Variants in SLCO6A1 observed in about 807,000 individuals in gnomAD.
SLCO6A1 encodes cancer/testis antigen 48.
SLCO6A1 carries 65 observed loss-of-function variants against 72.7 expected under a neutral mutation model. The observed-to-expected ratio is 0.89, with a 90% CI of 0.73 to 1.10. The LOEUF (loss-of-function observed/expected upper bound fraction) is 1.10. Ranked by LOEUF, SLCO6A1 falls within the 50% of genes least tolerant of loss-of-function variation. SLCO6A1 has a pLI of 0.00. For synonymous variants in SLCO6A1, 314 were observed against 298.2 expected (o/e 1.05, Z -0.55); for missense variants, 874 against 872.6 (o/e 1.00, Z -0.02).
At chr5:102,390,949 T>C in intron 11 of SLCO6A1, 32 bp downstream of exon 11, 1 of 1,594,666 alleles carries the variant, frequency 6.3e-7, no homozygotes, top group Non-Finnish European at 8.6e-7. Flanking sequence ...AAAAACATTT[T>C]GATGTAATAA....
chr5:102,421,350 C>T (rs888016142), intron 7 of SLCO6A1, among the ~76,000 whole-genome samples: 11 of 152,088 alleles, frequency 7.2e-5, no homozygotes, highest in African/African-American at 1.4e-4. Context: ...CCCATGGAGC[C>T]GAGAAAGCTA....
chr5:102,410,469 C>G (rs767396050), intron 9 of SLCO6A1, among the ~76,000 whole-genome samples: 3 of 152,164 alleles, frequency 2.0e-5, no homozygotes, highest in Non-Finnish European at 2.9e-5. Context: ...TTCACGAAGA[C>G]TAGCCAGAGC....
At chr5:102,450,343 A>G (rs1750347928) in intron 6 of SLCO6A1, among the ~76,000 whole-genome samples, 1 of 152,170 alleles carries the variant, frequency 6.6e-6, no homozygotes, top group Admixed American at 6.5e-5. Flanking sequence ...TTTGTGCAGC[A>G]TCTTTATTTG....
rs192023547 is a variant in SLCO6A1 at position 102,444,125 on chromosome 5, A to T, written c.1132-5364T>A. On this transcript the variant is annotated intron_variant, in intron 6 of 13. Coordinates refer to ENST00000506729, the MANE Select transcript of SLCO6A1 (RefSeq NM_173488.5). ...TAAGAGTAGGATCTGCAAATATATA[A>T]AGTATAAGGTATAAAGGCTGCAGAA... Among the ~76,000 whole-genome samples the T allele has an allele frequency of 2.0e-5, 3 of 152,276 alleles. No individual in the cohort carries two copies. The East Asian group carries it at 5.8e-4, about 29-fold the overall frequency.
At position 102,419,875 on chromosome 5, in the gene SLCO6A1, C is replaced by G; in HGVS notation, c.1423G>C (p.Val475Leu). Residue 475 changes from valine to leucine, a missense_variant, in exon 8 of 14, where the codon GTA becomes CTA. Physicochemically the swap from Val to Leu is conservative, Grantham distance 32. Transcript: ENST00000506729. ...GCAAATTGCACTGGATTACAGCGTA[C>G]AAAAATAATAAACACAAGCAGTATA... ...SLILLVFIIF[V>L]RCNPVQFAGI... The G allele has an allele frequency of 1.9e-6, 3 of 1,607,434 alleles. No individual in the cohort carries two copies. The highest frequency in any genetic ancestry group is 2.5e-6 in the Non-Finnish European group (3 of 1,178,046).
chr5:102,437,639 T>C (rs1369811272), intron 7 of SLCO6A1, among the ~76,000 whole-genome samples: 2 of 152,160 alleles, frequency 1.3e-5, no homozygotes, highest in Admixed American at 1.3e-4. Context: ...TTTTGGATAA[T>C]TTGCAGTCAG....
At chr5:102,465,568 A>G (rs1188586035) in intron 4 of SLCO6A1, among the ~76,000 whole-genome samples, 1 of 152,140 alleles carries the variant, frequency 6.6e-6, no homozygotes, top group Non-Finnish European at 1.5e-5. Context: ...GAAACGCATT[A>G]TGTCTAAAAC....
At chr5:102,435,382 AC>A (rs1323360335) in intron 7 of SLCO6A1, among the ~76,000 whole-genome samples, 1 of 152,136 alleles carries the variant, frequency 6.6e-6, no homozygotes, top group Non-Finnish European at 1.5e-5. Flanking sequence ...TTATACTATG[AC>A]TGCTGTTAAA....
chr5:102,484,732 C>G (rs1561499708), intron 1 of SLCO6A1, among the ~76,000 whole-genome samples: 1 of 152,058 alleles, frequency 6.6e-6, no homozygotes, highest in Non-Finnish European at 1.5e-5. Context: ...TTACTTAAAA[C>G]ATTTCCAAGC....
intron 6 of SLCO6A1, among the ~76,000 whole-genome samples, chr5:102,453,450 G>A (rs999402862): frequency 2.0e-5 from 3 of 152,020 alleles, no homozygotes; most frequent in African/African-American, 7.2e-5. Flanking sequence ...TCCAACACCT[G>A]AGCCACCTCA....
chr5:102,397,920 A>C (rs565395678), intron 10 of SLCO6A1, among the ~76,000 whole-genome samples: 1 of 152,244 alleles, frequency 6.6e-6, no homozygotes, highest in South Asian at 2.1e-4. Flanking sequence ...TATTGAGAGA[A>C]GTGAGATTCA....
intron 12 of SLCO6A1, among the ~76,000 whole-genome samples, chr5:102,386,615 C>G (rs963393056): frequency 6.6e-6 from 1 of 151,882 alleles, no homozygotes; most frequent in Non-Finnish European, 1.5e-5. Flanking sequence ...GCTGCAAGTT[C>G]CCAGCCCAGT....
chr5:102,484,256 T>A (rs969898021), intron 1 of SLCO6A1, among the ~76,000 whole-genome samples: 1 of 152,200 alleles, frequency 6.6e-6, no homozygotes, highest in Non-Finnish European at 1.5e-5. Context: ...AGCCCAATCA[T>A]GTCAGACAGC....
intron 8 of SLCO6A1, among the ~76,000 whole-genome samples, chr5:102,413,786 T>TA (rs1303420855): frequency 2.6e-5 from 4 of 152,158 alleles, no homozygotes; most frequent in African/African-American, 7.2e-5. Context: ...GGTCTCTTTT[T>TA]AAAAAAATGT....
intron 4 of SLCO6A1, among the ~76,000 whole-genome samples, chr5:102,460,386 C>A (rs1230712035): frequency 2.0e-5 from 3 of 152,068 alleles, no homozygotes; most frequent in African/African-American, 7.2e-5. Flanking sequence ...CTTTGTTCAC[C>A]ATAAAGCCTT....
At position 102,389,457 on chromosome 5, in the gene SLCO6A1, C is replaced by CCCCCG. The variant is rs34181415; in HGVS notation, c.1880-633_1880-632insCGGGG. Among the ~76,000 whole-genome samples, 4 of 83,456 alleles carry CCCCCG rather than the reference C, an allele frequency of 4.8e-5. No individual in the cohort carries two copies. In the East Asian group the frequency reaches 1.6e-3, roughly 33 times the overall value. 54.8% of individuals were successfully genotyped at this position (83,456 alleles called of 152,430 possible). ...AGTCACACACCCCGCCCCCCACCCC[C>CCCCCG]ACACACACAGAGTTGCCCCCAAACA... On this transcript the variant is annotated intron_variant, in intron 11 of 13. Transcript: ENST00000506729.
intron 9 of SLCO6A1, among the ~76,000 whole-genome samples, chr5:102,404,878 A>T (rs1333617704): frequency 6.6e-6 from 1 of 152,192 alleles, no homozygotes; most frequent in Non-Finnish European, 1.5e-5. Context: ...AGAAGAGAGA[A>T]GTAAGTTCTA....
rs772312455 is a variant in SLCO6A1, at chr5:102,399,548, T to C, written c.1814+7A>G. ...ATAAACAATAATAATGAGTAATATA[T>C]ACATACCGCGTCATGGCCAAGACGA... On this transcript the variant is annotated splice_region_variant and intron_variant, in intron 10 of 13. Transcript: ENST00000506729. 6.7e-7 allele frequency: 1 copy of C among 1,501,802 alleles called. No homozygotes were observed. Among genetic ancestry groups the C allele is most frequent in the South Asian group, 1.5e-5 (1 of 68,412 alleles). The allele number at this position is 1,501,802 out of a possible 1,614,324, so 93.0% of individuals were successfully genotyped here. A position where few individuals can be genotyped will look rare whatever the true frequency, so the allele number is the denominator to read the frequency against.
chr5:102,397,537 T>A (rs1187208439), intron 10 of SLCO6A1, among the ~76,000 whole-genome samples: 1 of 152,184 alleles, frequency 6.6e-6, no homozygotes, highest in African/African-American at 2.4e-5. Context: ...TCCTGGCTTT[T>A]TTTGAGGTCG....
Sources: gnomAD v4.1 joint callset for allele counts (sites outside exome capture counted in the v4.1 genomes callset) on GRCh38, gnomAD v4.1.1 for gene constraint, MANE v1.5 for transcripts, NCBI Gene and HGNC (gene_info 2026-07-23, HGNC 2026-07-21) for gene names.